EXPH5: variants seen among roughly 807,000 people sequenced by gnomAD.
EXPH5 encodes exophilin-5.
A neutral mutation model predicts 41.1 loss-of-function variants in EXPH5; 42 were observed. The observed-to-expected ratio is 1.02, with a 90% CI of 0.80 to 1.32. The LOEUF (loss-of-function observed/expected upper bound fraction) is 1.32. Ranked by LOEUF, EXPH5 falls within the 40% of genes most tolerant of loss-of-function variation. The pLI is 0.00. For synonymous variants in EXPH5, 798 were observed against 833.5 expected (o/e 0.96, Z 0.73); for missense variants, 2,298 against 2,314.5 (o/e 0.99, Z 0.15).
intron 1 of EXPH5, among the ~76,000 whole-genome samples, chr11:108,570,894 T>C (rs1235573651): frequency 6.6e-6 from 1 of 152,220 alleles, no homozygotes; most frequent in Non-Finnish European, 1.5e-5. Context: ...TGTTTGGAAA[T>C]TGTGGCATTT....
chr11:108,522,992 C>T (rs2093774773), intron 4 of EXPH5, among the ~76,000 whole-genome samples: 1 of 152,038 alleles, frequency 6.6e-6, no homozygotes, highest in African/African-American at 2.4e-5. Flanking sequence ...AGCAATCCTC[C>T]CACCTCAGCC....
chr11:108,531,550 C>T (rs530968662), intron 3 of EXPH5, among the ~76,000 whole-genome samples: 1 of 152,342 alleles, frequency 6.6e-6, no homozygotes, highest in Admixed American at 6.5e-5. Flanking sequence ...TCCACTCTTC[C>T]ACAGGTACTC....
At position 108,511,073 on chromosome 11, in the gene EXPH5, T is replaced by A. The variant is rs776174830; in HGVS notation, c.4434A>T (p.Gly1478=). ...TSTAVGDGSS[G]SQPREGRGDI... ...CCCCTCTGCCTTCCCTAGGCTGTGATCCACTGGAGCCATCACCTACAGCTG... is the reference window on the plus strand; with the variant it reads ...CCCCTCTGCCTTCCCTAGGCTGTGAACCACTGGAGCCATCACCTACAGCTG... Residue 1478 remains glycine (G), a synonymous_variant, in exon 6 of 6, where the codon GGA becomes GGT. Coordinates refer to ENST00000265843, the MANE Select transcript of EXPH5 (RefSeq NM_015065.3). 6.2e-7 allele frequency: 1 copy of A among 1,614,170 alleles called. No homozygotes were observed. The highest frequency in any genetic ancestry group is 1.1e-5 in the South Asian group (1 of 91,082).
In EXPH5 at chr11:108,509,861, T is replaced by C; in HGVS notation, c.5646A>G (p.Arg1882=). Residue 1882 remains arginine (R), a synonymous_variant, in exon 6 of 6, where the codon AGA becomes AGG. Coordinates refer to ENST00000265843, the MANE Select transcript of EXPH5 (RefSeq NM_015065.3). ...TCCCAAAGATCCCATAGTCGATAGGTCTGTATATAGATATTGCAGACCTGG... is the reference window on the plus strand; with the variant it reads ...TCCCAAAGATCCCATAGTCGATAGGCCTGTATATAGATATTGCAGACCTGG... ...TGPRSAISIY[R]PIDYGIFGKE... is the part of the protein sequence containing the mutation. 6.2e-7 allele frequency: 1 copy of C among 1,612,612 alleles called. No individual in the cohort carries two copies. The highest frequency in any genetic ancestry group is 1.1e-5 in the South Asian group (1 of 90,680).
chr11:108,591,828 G>T (rs774397692), intron 1 of EXPH5, among the ~76,000 whole-genome samples: 2 of 152,092 alleles, frequency 1.3e-5, no homozygotes, highest in Non-Finnish European at 2.9e-5. Flanking sequence ...GCAAGCATCA[G>T]GTCAAAAATA....
chr11:108,550,160 G>A (rs559552501), intron 1 of EXPH5, among the ~76,000 whole-genome samples: 3 of 152,196 alleles, frequency 2.0e-5, no homozygotes, highest in Non-Finnish European at 2.9e-5. Flanking sequence ...GAATATGGTG[G>A]AAGTGAAACT....
In EXPH5 at chr11:108,510,457, A is replaced by T. The variant is rs776349126; in HGVS notation, c.5050T>A (p.Ser1684Thr). The T allele has an allele frequency of 1.2e-6, 2 of 1,613,884 alleles. No individual in the cohort carries two copies. The highest frequency in any genetic ancestry group is 1.3e-5 in the African/African-American group (1 of 74,886). The change falls in exon 6 of 6, where the codon TCT (serine) becomes ACT (threonine). Residue 1684 changes from serine (S) to threonine (T), a missense_variant. By Grantham distance (58) the Ser-to-Thr change is moderately conservative. Coordinates refer to ENST00000265843, the MANE Select transcript of EXPH5 (RefSeq NM_015065.3). ...PITVLPNREP[S>T]THVSNQKSNS... ...GACTTCTGGTTGCTGACGTGTGTAG[A>T]AGGTTCTCTGTTGGGTAGTACAGTA...
chr11:108,522,498 G>A (rs2093771596), intron 4 of EXPH5, among the ~76,000 whole-genome samples: 2 of 152,124 alleles, frequency 1.3e-5, no homozygotes, highest in African/African-American at 4.8e-5. Flanking sequence ...ACTGGTGGAG[G>A]GAGGAGTTTC....
Position 108,514,686 on chromosome 11 carries a change from A to T in EXPH5, c.821T>A (p.Ile274Asn), listed in dbSNP as rs749064352. 1 of 1,602,092 alleles carries T rather than the reference A, an allele frequency of 6.2e-7. No homozygotes were observed. The highest frequency in any genetic ancestry group is 8.5e-7 in the Non-Finnish European group (1 of 1,176,110). ...TTCCCTAGGAGTTCCTGGTCTTAGG[A>T]TGTCATAGATAGACATATTGGAAGT... Reference protein sequence around the residue: ...NETSNMSIYDILRPGTPREGF... With the variant: ...NETSNMSIYDNLRPGTPREGF... The change falls in exon 6 of 6, where the codon ATC becomes AAC. Residue 274 changes from isoleucine (I) to asparagine (N), a missense_variant. Coordinates refer to ENST00000265843, the MANE Select transcript of EXPH5 (RefSeq NM_015065.3).
intron 1 of EXPH5, among the ~76,000 whole-genome samples, chr11:108,577,485 G>A (rs959905936): frequency 2.0e-5 from 3 of 151,540 alleles, no homozygotes; most frequent in Admixed American, 2.0e-4. Flanking sequence ...GTGCAATGGC[G>A]CGATCTCGGC....
At chr11:108,605,494 A>C in the EXPH5 span, among the ~76,000 whole-genome samples, 2 of 152,174 alleles carry the variant, frequency 1.3e-5, no homozygotes, top group African/African-American at 4.8e-5. Context: ...TGGGAGGAGA[A>C]GTGGTACCAG....
intron 1 of EXPH5, among the ~76,000 whole-genome samples, chr11:108,547,340 C>T (rs540067430): frequency 6.6e-6 from 1 of 152,202 alleles, no homozygotes; most frequent in African/African-American, 2.4e-5. Context: ...ACTACAGTTG[C>T]ACGCTACTAT....
In EXPH5 at chr11:108,510,730, G is replaced by A; in HGVS notation, c.4777C>T (p.His1593Tyr). Residue 1593 changes from histidine (H) to tyrosine (Y), a missense_variant, in exon 6 of 6, where the codon CAC becomes TAC. Physicochemically the swap from His to Tyr is moderately conservative, Grantham distance 83 (BLOSUM62 2). Coordinates refer to ENST00000265843, the MANE Select transcript of EXPH5 (RefSeq NM_015065.3). ...GCTTTAGACATGGCTGCCAATCTGT[G>A]TTTAACTGAAGATCTATTTTCCCCC... ...VKGENRSSVK[H>Y]RLAAMSKASR... The A allele has an allele frequency of 6.2e-7, 1 of 1,614,182 alleles. No homozygotes were observed. Among genetic ancestry groups the A allele is most frequent in the Non-Finnish European group, 8.5e-7 (1 of 1,180,032 alleles).
intron 1 of EXPH5, among the ~76,000 whole-genome samples, chr11:108,552,923 C>T (rs930414812): frequency 6.6e-6 from 1 of 151,892 alleles, no homozygotes; most frequent in African/African-American, 2.4e-5. Flanking sequence ...AGGCCGGGTG[C>T]GGTGGCTCAT....
chr11:108,598,212 T>A (rs1000500307), upstream of EXPH5, among the ~76,000 whole-genome samples: 1 of 152,196 alleles, frequency 6.6e-6, no homozygotes, highest in Non-Finnish European at 1.5e-5. Context: ...CGTGTACAAA[T>A]GTCCTCAAAT....
At chr11:108,527,632 A>G (rs1186687265) in intron 4 of EXPH5, among the ~76,000 whole-genome samples, 1 of 152,236 alleles carries the variant, frequency 6.6e-6, no homozygotes, top group East Asian at 1.9e-4. Flanking sequence ...AAGCTTCTTT[A>G]TCTTGTCAGC....
chr11:108,552,459 G>GCAA (rs1219617273), intron 1 of EXPH5, among the ~76,000 whole-genome samples: 1 of 152,166 alleles, frequency 6.6e-6, no homozygotes, highest in Non-Finnish European at 1.5e-5. Context: ...AAGTAAGCAA[G>GCAA]CAACAACAAC....
At chr11:108,529,646 ACC>A (rs1442502441) in intron 3 of EXPH5, among the ~76,000 whole-genome samples, 1 of 152,096 alleles carries the variant, frequency 6.6e-6, no homozygotes, top group East Asian at 1.9e-4. Flanking sequence ...GGAGTTCGAG[ACC>A]AGCCTGACCA....
intron 3 of EXPH5, among the ~76,000 whole-genome samples, chr11:108,533,694 C>T (rs75856181): frequency 0.03 from 4,543 of 152,248 alleles, 207 homozygotes; most frequent in African/African-American, 0.1. Flanking sequence ...GTTTCTTTGT[C>T]GTGGTGATCT....
Sources: gnomAD v4.1 joint callset for allele counts (sites outside exome capture counted in the v4.1 genomes callset) on GRCh38, gnomAD v4.1.1 for gene constraint, MANE v1.5 for transcripts, NCBI Gene and HGNC (gene_info 2026-07-23, HGNC 2026-07-21) for gene names.